The following PDZD2 variants were observed in gnomAD, a reference collection of about 807,000 sequenced individuals.
PDZD2 encodes the protein PDZ domain containing 2, also known as PDZ domain-containing protein 2.
Under a neutral mutation model 220.7 loss-of-function variants are expected in PDZD2, and 90 were observed. The ratio of observed to expected loss-of-function variants is 0.41; its 90% confidence interval spans 0.34 to 0.49. The LOEUF (loss-of-function observed/expected upper bound fraction) is 0.49. PDZD2 is among the 20% of genes least tolerant of loss of function. The pLI, the probability that PDZD2 is intolerant of heterozygous loss-of-function variation, is 0.28. For missense variants in PDZD2, 3,174 were observed against 3,608.5 expected, an observed-to-expected ratio of 0.88 and a Z score of 3.08; for synonymous variants, 1,375 against 1,450.5, an observed-to-expected ratio of 0.95 and a Z score of 1.18.
chr5:31,828,877 C>T (rs903740085), intron 2 of PDZD2, among the ~76,000 whole-genome samples: 1 of 152,168 alleles, frequency 6.6e-6, no homozygotes, highest in Non-Finnish European at 1.5e-5. Context: ...GATACAAGTT[C>T]CTTAGCAGAT....
At chr5:31,965,655 G>T (rs549380996) in intron 2 of PDZD2, among the ~76,000 whole-genome samples, 50 of 152,280 alleles carry the variant, frequency 3.3e-4, no homozygotes, top group Non-Finnish European at 5.4e-4. Flanking sequence ...AGCACTTTGG[G>T]AGGCCAGGGC....
In PDZD2 at chr5:32,077,563, C is replaced by A; in HGVS notation, c.3639C>A (p.Asn1213Lys). ...TGGATGCCAGCCACCTCACAGAGAACCTGCCCAAAGCTGCATCAGAGCTGG... is the reference window on the plus strand; with the variant it reads ...TGGATGCCAGCCACCTCACAGAGAAACTGCCCAAAGCTGCATCAGAGCTGG... ...SHLDASHLTE[N>K]LPKAASELGQ... Residue 1213 changes from asparagine to lysine, a missense_variant, in exon 19 of 25, where the codon AAC becomes AAA. Around this residue, in one of 4 missense-constraint regions of PDZD2, gnomAD observed 1,861 missense variants for 2,001.0 expected, o/e 0.93. Transcript: ENST00000438447. 1 of 1,614,168 alleles carries A rather than the reference C, an allele frequency of 6.2e-7. No individual in the cohort carries two copies. The highest frequency in any genetic ancestry group is 8.5e-7 in the Non-Finnish European group (1 of 1,180,010).
chr5:31,905,161 A>G (rs1415901108), intron 2 of PDZD2, among the ~76,000 whole-genome samples: 3 of 151,750 alleles, frequency 2.0e-5, no homozygotes, highest in Non-Finnish European at 2.9e-5. Context: ...TTTCTTTCTT[A>G]GTAGAGAGGA....
intron 1 of PDZD2, among the ~76,000 whole-genome samples, chr5:31,776,481 TATTTATTTATTC>T (rs1189460466): frequency 2.0e-5 from 3 of 150,302 alleles, no homozygotes; most frequent in African/African-American, 7.3e-5. Flanking sequence ...TTTATTTATT[TATTTATTTATTC>T]ATTTTTAGTA....
At chr5:31,930,167 T>C (rs1005664642) in intron 2 of PDZD2, among the ~76,000 whole-genome samples, 1 of 151,350 alleles carries the variant, frequency 6.6e-6, no homozygotes, top group Non-Finnish European at 1.5e-5. Context: ...AAACCTCTTT[T>C]CTTTGTACAT....
chr5:31,981,506 A>G (rs1278736302), intron 2 of PDZD2, among the ~76,000 whole-genome samples: 2 of 152,180 alleles, frequency 1.3e-5, no homozygotes, highest in Non-Finnish European at 2.9e-5. Flanking sequence ...TTCCAATGTA[A>G]TGTAATGACT....
At position 32,052,719 on chromosome 5, in the gene PDZD2, GA is replaced by G; in HGVS notation, c.1779del (p.Gly594AlafsTer45). On this transcript the variant is annotated frameshift_variant, in exon 9 of 25. Transcript: ENST00000438447. LOFTEE classifies it high-confidence loss of function. The part of the protein sequence containing the change: ...SVISIIGLYK[E>X]KGKGLGFSIA... ...CATCTCGATCATTGGGTTGTACAAA[GA>G]AAAAGGCAAGGTGAGCTCTTTTCTG... is the stretch of plus-strand genomic sequence containing the variant. 6.2e-7 allele frequency: 1 copy of G among 1,614,088 alleles called. No homozygotes were observed. The highest frequency in any genetic ancestry group is 8.5e-7 in the Non-Finnish European group (1 of 1,179,932).
At chr5:32,022,188 T>TG (rs905775092) in intron 6 of PDZD2, among the ~76,000 whole-genome samples, 5 of 144,890 alleles carry the variant, frequency 3.5e-5, no homozygotes, top group South Asian at 2.2e-4. Flanking sequence ...TTTTTTTGTT[T>TG]TTTTGTTTTT....
chr5:31,672,705 T>C (rs1183597882), intron 1 of PDZD2, among the ~76,000 whole-genome samples: 1 of 152,202 alleles, frequency 6.6e-6, no homozygotes, highest in Non-Finnish European at 1.5e-5. Flanking sequence ...ACCTTCCTTA[T>C]GGACAGTGAC....
intron 1 of PDZD2, among the ~76,000 whole-genome samples, chr5:31,716,412 G>A (rs1410029827): frequency 6.6e-6 from 1 of 152,188 alleles, no homozygotes; most frequent in Non-Finnish European, 1.5e-5. Flanking sequence ...TGGGTCAGGA[G>A]GCAGAAGGAA....
chr5:31,836,416 C>T (rs541335155), intron 2 of PDZD2, among the ~76,000 whole-genome samples: 32 of 151,822 alleles, frequency 2.1e-4, no homozygotes, highest in South Asian at 1.5e-3. Flanking sequence ...ATTGTAAAGA[C>T]GGGGTTTTGC....
chr5:31,769,339 G>A (rs1752210482), intron 1 of PDZD2, among the ~76,000 whole-genome samples: 1 of 152,240 alleles, frequency 6.6e-6, no homozygotes, highest in African/African-American at 2.4e-5. Context: ...TCACCTCACT[G>A]AGGATAAAAG....
Position 32,098,291 on chromosome 5 carries a change from A to T in PDZD2, c.7948-73A>T. 7.1e-7 allele frequency: 1 copy of T among 1,416,026 alleles called. No homozygotes were observed. Among genetic ancestry groups the T allele is most frequent in the Non-Finnish European group, 9.8e-7 (1 of 1,022,232 alleles). 87.7% of individuals were successfully genotyped at this position (1,416,026 alleles called of 1,614,324 possible). ...GTTCCTTTACTACAGATACGCAGTT[A>T]GTTACTATCTCCCTTTTACCGGAAA... On this transcript the variant is annotated intron_variant, in intron 22 of 24. Transcript: ENST00000438447. The surrounding 1 kb of genome is among the most constrained non-coding windows in gnomAD (Gnocchi z 4.1).
intron 1 of PDZD2, among the ~76,000 whole-genome samples, chr5:31,662,844 A>C (rs1023326370): frequency 7.2e-5 from 11 of 152,096 alleles, no homozygotes; most frequent in Non-Finnish European, 7.3e-5. Flanking sequence ...GTTAGCCAGG[A>C]TGGTCTTGAT....
intron 4 of PDZD2, among the ~76,000 whole-genome samples, chr5:31,996,022 A>G (rs537819980): frequency 5.5e-4 from 84 of 152,296 alleles, no homozygotes; most frequent in African/African-American, 2.0e-3. Context: ...CTGAGATGAT[A>G]TGAGGCTACT....
At chr5:31,955,713 T>A (rs1196492614) in intron 2 of PDZD2, among the ~76,000 whole-genome samples, 1 of 151,140 alleles carries the variant, frequency 6.6e-6, no homozygotes, top group Non-Finnish European at 1.5e-5. Flanking sequence ...CTTCTCTAGT[T>A]CTTTCAGATC....
chr5:31,862,996 C>T (rs868771032), intron 2 of PDZD2, among the ~76,000 whole-genome samples: 1 of 152,216 alleles, frequency 6.6e-6, no homozygotes, highest in African/African-American at 2.4e-5. Flanking sequence ...CAAGGCGTGG[C>T]AATCCCACGC....
At chr5:31,662,266 A>T (rs1158497359) in intron 1 of PDZD2, among the ~76,000 whole-genome samples, 1 of 152,102 alleles carries the variant, frequency 6.6e-6, no homozygotes, top group East Asian at 1.9e-4. Context: ...GGCTGACATC[A>T]CGCCATTGCA....
At chr5:31,754,828 G>A (rs143914592) in intron 1 of PDZD2, among the ~76,000 whole-genome samples, 144 of 152,234 alleles carry the variant, frequency 9.5e-4, no homozygotes, top group African/African-American at 3.4e-3. Context: ...AGTCCCTTCC[G>A]GTGCTTGCAA....
Sources: allele counts gnomAD v4.1 joint callset (sites outside exome capture counted in the v4.1 genomes callset), GRCh38; gene constraint gnomAD v4.1.1; regional missense constraint gnomAD v4.1.1; non-coding constraint Gnocchi (gnomAD v3.1); transcripts MANE v1.5; gene names NCBI Gene and HGNC (gene_info 2026-07-23, HGNC 2026-07-21).